Variants in DPF3 observed in about 807,000 individuals in gnomAD.
DPF3 encodes the protein double PHD fingers 3.
In DPF3, 18 loss-of-function variants were observed where a neutral mutation model predicts 56.8. The observed-to-expected ratio is 0.32, with a 90% CI of 0.22 to 0.47. The LOEUF is 0.47. Ranked by LOEUF, DPF3 falls within the 20% of genes least tolerant of loss-of-function variation. DPF3 has a pLI of 1.00. For missense variants in DPF3, 403 were observed against 488.8 expected (o/e 0.82, Z 1.65); for synonymous variants, 188 against 180.2 (o/e 1.04, Z -0.35).
At chr14:72,646,413 A>G (rs1294580646) in intron 8 of DPF3, among the ~76,000 whole-genome samples, 3 of 152,200 alleles carry the variant, frequency 2.0e-5, no homozygotes, top group African/African-American at 7.2e-5. Context: ...TCGCCAGTGC[A>G]CTGCCTTTAC....
At chr14:72,861,780 A>AAAGAAAGAAAGAAAGAAAGG (rs1491368687) in intron 1 of DPF3, among the ~76,000 whole-genome samples, 1 of 150,760 alleles carries the variant, frequency 6.6e-6, no homozygotes, top group Non-Finnish European at 1.5e-5. Context: ...AGAAAGAAAG[A>AAAGAAAGAAAGAAAGAAAGG]AAGAAAGAAA....
intron 8 of DPF3, among the ~76,000 whole-genome samples, chr14:72,656,253 G>A (rs182050651): frequency 3.7e-4 from 57 of 152,300 alleles, no homozygotes; most frequent in Admixed American, 1.8e-3. Context: ...AAACACAGTG[G>A]TGTCAAATAT....
chr14:72,737,630 C>G (rs1169602704), intron 3 of DPF3, among the ~76,000 whole-genome samples: 1 of 152,206 alleles, frequency 6.6e-6, no homozygotes, highest in Non-Finnish European at 1.5e-5. Flanking sequence ...GACAGTTCTT[C>G]TTTGGGGAAA....
chr14:72,786,551 T>C (rs1429725225), intron 1 of DPF3, among the ~76,000 whole-genome samples: 4 of 152,252 alleles, frequency 2.6e-5, no homozygotes, highest in East Asian at 1.9e-4. Context: ...ACAGAGACCA[T>C]GTGGCCTGCA....
At chr14:72,845,592 C>A (rs2140074679) in intron 1 of DPF3, among the ~76,000 whole-genome samples, 1 of 152,228 alleles carries the variant, frequency 6.6e-6, no homozygotes, top group South Asian at 2.1e-4. Context: ...ATCATGGTGC[C>A]CATTGCAACA....
intron 1 of DPF3, among the ~76,000 whole-genome samples, chr14:72,805,021 T>G (rs1386158239): frequency 9.6e-6 from 1 of 104,010 alleles, no homozygotes; most frequent in South Asian, 3.2e-4. Flanking sequence ...AGCTTCCTAC[T>G]GTGTAAAACG....
intron 3 of DPF3, among the ~76,000 whole-genome samples, chr14:72,736,586 A>G (rs1447324014): frequency 1.3e-5 from 2 of 152,032 alleles, no homozygotes; most frequent in Non-Finnish European, 2.9e-5. Flanking sequence ...CCTCCCTACA[A>G]ACAAACACAG....
intron 1 of DPF3, among the ~76,000 whole-genome samples, chr14:72,877,572 G>A (rs1011793749): frequency 6.6e-6 from 1 of 152,148 alleles, no homozygotes; most frequent in African/African-American, 2.4e-5. Context: ...GCATCCTACT[G>A]CTGCAAGGAT....
intron 7 of DPF3, among the ~76,000 whole-genome samples, chr14:72,688,364 G>C (rs891018468): frequency 1.3e-5 from 2 of 151,876 alleles, no homozygotes; most frequent in African/African-American, 4.8e-5. Flanking sequence ...ATGGATGCAT[G>C]GATGGATTAG....
chr14:72,834,541 G>C (rs1355036370), intron 1 of DPF3, among the ~76,000 whole-genome samples: 1 of 151,292 alleles, frequency 6.6e-6, no homozygotes, highest in Non-Finnish European at 1.5e-5. Context: ...ACACCTGGTG[G>C]GATGGCTAGA....
At chr14:72,623,783 G>A (rs1884618514) in intron 9 of DPF3, among the ~76,000 whole-genome samples, 1 of 152,256 alleles carries the variant, frequency 6.6e-6, no homozygotes, top group East Asian at 1.9e-4. Flanking sequence ...CCAAAACAAT[G>A]ACTAACAGCA....
chr14:72,635,864 G>GA (rs1204930282), intron 8 of DPF3, among the ~76,000 whole-genome samples: 2 of 151,544 alleles, frequency 1.3e-5, no homozygotes, highest in African/African-American at 4.8e-5. Context: ...AGGGCTCCAG[G>GA]AAAAAAAATT....
Position 72,612,011 on chromosome 14 carries a change from A to G in DPF3, c.*7286T>C, listed in dbSNP as rs567035964. ...GCATGCGGTTTATTTTCCAGCCCCTACAGGACCTAGAGCATTGCCTCGCAC... is the reference window on the plus strand; with the variant it reads ...GCATGCGGTTTATTTTCCAGCCCCTGCAGGACCTAGAGCATTGCCTCGCAC... On this transcript the variant is annotated 3_prime_UTR_variant, in exon 11 of 11. Coordinates refer to ENST00000556509, the MANE Select transcript of DPF3 (RefSeq NM_001280542.3). Among the ~76,000 whole-genome samples the G allele has an allele frequency of 6.6e-5, 10 of 152,192 alleles. No individual in the cohort carries two copies. Among genetic ancestry groups the G allele is most frequent in the African/African-American group, 2.4e-4 (10 of 41,454 alleles).
chr14:72,866,200 G>T (rs1197938345), intron 1 of DPF3, among the ~76,000 whole-genome samples: 2 of 152,074 alleles, frequency 1.3e-5, no homozygotes, highest in African/African-American at 4.8e-5. Context: ...GTTTTACCAG[G>T]CACATTCCCA....
chr14:72,876,145 C>T (rs1886104859), intron 1 of DPF3, among the ~76,000 whole-genome samples: 1 of 152,222 alleles, frequency 6.6e-6, no homozygotes, highest in Non-Finnish European at 1.5e-5. Context: ...TGGGCTCTGC[C>T]CACAAGTCTG....
At chr14:72,854,983 C>T (rs940383636) in intron 1 of DPF3, among the ~76,000 whole-genome samples, 2 of 152,176 alleles carry the variant, frequency 1.3e-5, no homozygotes, top group Non-Finnish European at 2.9e-5. Context: ...TAAGAAAATC[C>T]TCACCTTTAA....
At position 72,610,543 on chromosome 14, in the gene DPF3, T is replaced by C. The variant is rs1185382280; in HGVS notation, c.*8754A>G. Among the ~76,000 whole-genome samples, 1 of 152,210 alleles carries C rather than the reference T, an allele frequency of 6.6e-6. No individual in the cohort carries two copies. Among genetic ancestry groups the C allele is most frequent in the Non-Finnish European group, 1.5e-5 (1 of 68,022 alleles). The stretch of plus-strand genomic sequence containing the variant: ...CTCCATGTCTTGGCTGTCAGAGAAA[T>C]TGAGCTTACAAATTGCCCTCACCCT... On this transcript the variant is annotated 3_prime_UTR_variant, in exon 11 of 11. Transcript: ENST00000556509.
chr14:72,789,869 T>G (rs1253939095), intron 1 of DPF3, among the ~76,000 whole-genome samples: 2 of 152,060 alleles, frequency 1.3e-5, no homozygotes, highest in Non-Finnish European at 2.9e-5. Context: ...CTCCACTCAC[T>G]GCTCCCTCCT....
intron 1 of DPF3, among the ~76,000 whole-genome samples, chr14:72,861,342 T>C (rs1481941569): frequency 1.3e-5 from 2 of 152,216 alleles, no homozygotes; most frequent in Non-Finnish European, 1.5e-5. Context: ...TTAATAATTG[T>C]CTTATTTAAT....
Sources: gnomAD v4.1 joint callset for allele counts (sites outside exome capture counted in the v4.1 genomes callset) on GRCh38, gnomAD v4.1.1 for gene constraint, MANE v1.5 for transcripts, NCBI Gene and HGNC (gene_info 2026-07-23, HGNC 2026-07-21) for gene names.